CLGN: variants seen among roughly 807,000 people sequenced by gnomAD.
The protein encoded by CLGN is testis tissue sperm-binding protein Li 79P.
CLGN carries 62 observed loss-of-function variants against 79.1 expected under a neutral mutation model. The observed-to-expected ratio is 0.78, with a 90% CI of 0.64 to 0.97. The LOEUF (loss-of-function observed/expected upper bound fraction) is 0.97, where lower values mean the gene tolerates loss of function less well. Among genes scored for constraint, CLGN ranks in the 50% least tolerant of loss-of-function variants. The probability of loss-of-function intolerance (pLI) is 0.00; values close to 1 mark genes in which losing one functional copy is unlikely to be tolerated. For synonymous variants in CLGN, 225 were observed against 224.7 expected, an observed-to-expected ratio of 1.00 and a Z score of -0.01; for missense variants, 647 against 715.5, an observed-to-expected ratio of 0.90 and a Z score of 1.09.
chr4:140,422,600 C>T (rs935279683), intron 1 of CLGN, among the ~76,000 whole-genome samples: 3 of 151,374 alleles, frequency 2.0e-5, no homozygotes, highest in African/African-American at 7.3e-5. Flanking sequence ...GTTTTTTTAC[C>T]CTGCAACTTT....
chr4:140,389,739 A>T (rs147554204), intron 14 of CLGN, among the ~76,000 whole-genome samples: 2 of 151,842 alleles, frequency 1.3e-5, no homozygotes, highest in African/African-American at 4.8e-5. Context: ...CAAAGTCCCT[A>T]TAAAAACTCA....
chr4:140,393,194 A>T (rs1728808236), intron 11 of CLGN, among the ~76,000 whole-genome samples: 1 of 152,072 alleles, frequency 6.6e-6, no homozygotes, highest in Non-Finnish European at 1.5e-5. Flanking sequence ...AATAAAATTT[A>T]AAAAATCAAA....
chr4:140,413,510 G>A (rs976023413), intron 1 of CLGN, among the ~76,000 whole-genome samples: 1 of 152,230 alleles, frequency 6.6e-6, no homozygotes, highest in Non-Finnish European at 1.5e-5. Flanking sequence ...CACCGTGCGT[G>A]AGCCGAAGCA....
chr4:140,397,565 T>C (rs1413749259), intron 8 of CLGN, among the ~76,000 whole-genome samples: 3 of 152,092 alleles, frequency 2.0e-5, no homozygotes, highest in Non-Finnish European at 4.4e-5. Context: ...CCTATTCCAA[T>C]ATAATTTTTA....
Position 140,395,814 on chromosome 4 carries a change from G to T in CLGN, c.1149+5C>A. 6.9e-7 allele frequency: 1 copy of T among 1,458,110 alleles called. No individual in the cohort carries two copies. The highest frequency in any genetic ancestry group is 9.0e-7 in the Non-Finnish European group (1 of 1,106,362). 90.3% of individuals were successfully genotyped at this position (1,458,110 alleles called of 1,614,324 possible). A position where few individuals can be genotyped will look rare whatever the true frequency, so the allele number is the denominator to read the frequency against. On this transcript the variant is annotated splice_donor_5th_base_variant and intron_variant, in intron 10 of 14. Coordinates refer to ENST00000325617, the MANE Select transcript of CLGN (RefSeq NM_004362.3). ...CACTAAATAATTGGAACAAGCGGTTGTTACCTGATAGTTAGGATTATCGAC... is the reference window on the plus strand; with the variant it reads ...CACTAAATAATTGGAACAAGCGGTTTTTACCTGATAGTTAGGATTATCGAC...
rs372000570 is a variant in CLGN, at chr4:140,393,931, A to G, written c.1260T>C (p.Ser420=). The G allele has an allele frequency of 3.1e-6, 5 of 1,613,682 alleles. No homozygotes were observed. Among genetic ancestry groups the G allele is most frequent in the Non-Finnish European group, 4.2e-6 (5 of 1,179,798 alleles). The change falls in exon 11 of 15, where the codon TCT becomes TCC. Residue 420 remains serine, a synonymous_variant. Coordinates refer to ENST00000325617, the MANE Select transcript of CLGN (RefSeq NM_004362.3). The part of the protein sequence containing the change: ...ALGLELWSMT[S]DIYFDNFIIC... ...TAATAAAATTATCAAAGTAGATATCAGAGGTCATAGACCAAAGCTCTAAAC... is the reference window on the plus strand; with the variant it reads ...TAATAAAATTATCAAAGTAGATATCGGAGGTCATAGACCAAAGCTCTAAAC...
chr4:140,414,537 G>A (rs1256456508), intron 1 of CLGN, among the ~76,000 whole-genome samples: 1 of 150,424 alleles, frequency 6.6e-6, no homozygotes, highest in East Asian at 1.9e-4. Context: ...CAAGGCTCGA[G>A]AACTACGTGA....
rs1729179001 is a variant in CLGN, at chr4:140,409,879, CT to C, written c.234del (p.Ala79GlnfsTer22). 1.3e-6 allele frequency: 2 copies of C among 1,598,530 alleles called. No individual in the cohort carries two copies. The highest frequency in any genetic ancestry group is 2.2e-5 in the South Asian group (2 of 89,728). ...TCCTCATCCATGTCATCTTTCTTTGCTTTTGATAAGACCCATCTGTAAATAA... is the reference window on the plus strand; with the variant it reads ...TCCTCATCCATGTCATCTTTCTTTGCTTTGATAAGACCCATCTGTAAATAA... ...SGRLAGWVLSKAKKDDMDEEI... is the reference protein window; with the variant it reads ...SGRLAGWVLSXAKKDDMDEEI... On this transcript the variant is annotated frameshift_variant, in exon 4 of 15. Transcript: ENST00000325617. LOFTEE classifies it high-confidence loss of function.
At chr4:140,410,061 G>C (rs1242118176) in intron 3 of CLGN, among the ~76,000 whole-genome samples, 166 bp from the exon 4 acceptor site, 3 of 151,970 alleles carry the variant, frequency 2.0e-5, no homozygotes, top group Admixed American at 2.0e-4. Context: ...ACATAATCCT[G>C]AAGGGCTAGA....
At position 140,393,955 on chromosome 4, in the gene CLGN, A is replaced by G; in HGVS notation, c.1236T>C (p.Gly412=). The change falls in exon 11 of 15, where the codon GGT becomes GGC. Residue 412 remains glycine (G), a synonymous_variant. Transcript: ENST00000325617. ...PFLLTSFSAL[G]LELWSMTSDI... is the part of the protein sequence containing the mutation. ...CAGAGGTCATAGACCAAAGCTCTAA[A>G]CCAAGAGCACTGAAAGAAGTCAGAA... 1 of 1,613,684 alleles carries G rather than the reference A, an allele frequency of 6.2e-7. No individual in the cohort carries two copies. Among genetic ancestry groups the G allele is most frequent in the Non-Finnish European group, 8.5e-7 (1 of 1,179,700 alleles).
Position 140,400,554 on chromosome 4 carries a change from A to C in CLGN, c.502-5T>G, listed in dbSNP as rs1728980700. On this transcript the variant is annotated splice_polypyrimidine_tract_variant and splice_region_variant and intron_variant, in intron 6 of 14. Transcript: ENST00000325617. Reference sequence around the variant, plus strand: ...TGTTTTATCATAAAAGTTTTCCTTCAAAGAGAGATGAGTGTTGGCATTAGT... The same window carrying C: ...TGTTTTATCATAAAAGTTTTCCTTCCAAGAGAGATGAGTGTTGGCATTAGT... 1 of 1,568,108 alleles carries C rather than the reference A, an allele frequency of 6.4e-7. No homozygotes were observed. Among genetic ancestry groups the C allele is most frequent in the African/African-American group, 1.4e-5 (1 of 73,130 alleles).
At position 140,410,537 on chromosome 4, in the gene CLGN, T is replaced by TTGAA. The variant is rs761663864; in HGVS notation, c.218+12_218+15dup. 1.9e-6 allele frequency: 3 copies of TTGAA among 1,556,584 alleles called. No individual in the cohort carries two copies. The highest frequency in any genetic ancestry group is 2.2e-5 in the South Asian group (2 of 89,328). ...CTAATAAATCAAAGAAAACATTCTC[T>TTGAA]TGAATGAATACTCACCCAGCCAACC... is the stretch of plus-strand genomic sequence containing the variant. On this transcript the variant is annotated intron_variant, in intron 3 of 14. Transcript: ENST00000325617.
Position 140,393,970 on chromosome 4 carries a change from A to G in CLGN, c.1221T>C (p.Ser407=). The G allele has an allele frequency of 6.2e-7, 1 of 1,613,800 alleles. No individual in the cohort carries two copies. The highest frequency in any genetic ancestry group is 8.5e-7 in the Non-Finnish European group (1 of 1,179,796). ...AAAGCTCTAAACCAAGAGCACTGAA[A>G]GAAGTCAGAAGAAATGGATGATCAT... ...FEDDHPFLLT[S]FSALGLELWS... Residue 407 remains serine, a synonymous_variant, in exon 11 of 15, where the codon TCT becomes TCC. Coordinates refer to ENST00000325617, the MANE Select transcript of CLGN (RefSeq NM_004362.3).
chr4:140,395,926 T>C lies in CLGN; in HGVS notation c.1042A>G (p.Asn348Asp). 1 of 1,603,716 alleles carries C rather than the reference T, an allele frequency of 6.2e-7. No individual in the cohort carries two copies. The highest frequency in any genetic ancestry group is 8.5e-7 in the Non-Finnish European group (1 of 1,176,550). Residue 348 changes from asparagine to aspartate, a missense_variant, in exon 10 of 15, where the codon AAT becomes GAT. Physicochemically the swap from Asn to Asp is conservative, Grantham distance 23. Transcript: ENST00000325617. Reference protein sequence around the residue: ...DGEWEAPQILNPACRIGCGEW... With the variant: ...DGEWEAPQILDPACRIGCGEW... ...CCACACCCAATCCGACATGCTGGATTAAGAATCTGAGGTGCCTCCCATTCT... is the reference window on the plus strand; with the variant it reads ...CCACACCCAATCCGACATGCTGGATCAAGAATCTGAGGTGCCTCCCATTCT...
intron 10 of CLGN, 128 bp downstream of exon 10, chr4:140,395,691 C>T (rs1728859748): frequency 1.5e-6 from 1 of 681,032 alleles, no homozygotes; most frequent in Non-Finnish European, 2.2e-6. Context: ...TAGTTGAGGT[C>T]TATTTTCTTT....
chr4:140,390,553 T>C (rs358328), intron 14 of CLGN, 75 bp downstream of exon 14: 46,184 of 937,890 alleles, frequency 0.049, 1,531 homozygotes, highest in Middle Eastern at 0.11. Context: ...CTTTCATAAA[T>C]CATATTGGTG....
At chr4:140,424,701 A>G (rs1242370983) in intron 1 of CLGN, among the ~76,000 whole-genome samples, 6 of 152,162 alleles carry the variant, frequency 3.9e-5, no homozygotes, top group Non-Finnish European at 7.3e-5. Context: ...CTTCTTATGT[A>G]TTCCTCACTC....
chr4:140,395,387 C>G (rs1010239587), intron 10 of CLGN, among the ~76,000 whole-genome samples: 2 of 152,108 alleles, frequency 1.3e-5, no homozygotes, highest in Non-Finnish European at 2.9e-5. Flanking sequence ...ACCTCGTGAT[C>G]CGCCCGCCTT....
chr4:140,392,099 G>A (rs772957639), intron 13 of CLGN, 120 bp downstream of exon 13: 9 of 1,180,130 alleles, frequency 7.6e-6, no homozygotes, highest in Non-Finnish European at 1.1e-5. Context: ...CATATTCTTG[G>A]GAGATTCAGA....
Sources: gnomAD v4.1 joint callset for allele counts (sites outside exome capture counted in the v4.1 genomes callset) on GRCh38, gnomAD v4.1.1 for gene constraint, MANE v1.5 for transcripts, NCBI Gene and HGNC (gene_info 2026-07-23, HGNC 2026-07-21) for gene names.